The following KIAA0825 variants were observed in gnomAD, a reference collection of about 807,000 sequenced individuals.
KIAA0825 encodes uncharacterized protein KIAA0825.
KIAA0825 carries 119 observed loss-of-function variants against 147.6 expected under a neutral mutation model. The observed-to-expected ratio is 0.81, with a 90% CI of 0.69 to 0.94. The LOEUF (loss-of-function observed/expected upper bound fraction) is 0.94, where lower values mean the gene tolerates loss of function less well. Among genes scored for constraint, KIAA0825 ranks in the 40% least tolerant of loss-of-function variants. The pLI is 0.00. For synonymous variants in KIAA0825, 470 were observed against 518.1 expected, an observed-to-expected ratio of 0.91 and a Z score of 1.26; for missense variants, 1,381 against 1,472.7, an observed-to-expected ratio of 0.94 and a Z score of 1.02.
At chr5:94,370,211 T>C (rs1241302548) in intron 20 of KIAA0825, among the ~76,000 whole-genome samples, 6 of 151,996 alleles carry the variant, frequency 3.9e-5, no homozygotes, top group Non-Finnish European at 8.8e-5. Context: ...TGCTATAGCA[T>C]TCTTGAAAGG....
chr5:94,480,777 T>C (rs1401413406), intron 6 of KIAA0825, among the ~76,000 whole-genome samples: 1 of 152,056 alleles, frequency 6.6e-6, no homozygotes, highest in African/African-American at 2.4e-5. Flanking sequence ...TACAGTAAGA[T>C]ATAGAAAATG....
intron 13 of KIAA0825, among the ~76,000 whole-genome samples, chr5:94,449,040 G>GTCC (rs1758071810): frequency 6.6e-6 from 1 of 152,100 alleles, no homozygotes; most frequent in Non-Finnish European, 1.5e-5. Flanking sequence ...ATCAGTGAGA[G>GTCC]TCCTCCTAAC....
intron 2 of KIAA0825, among the ~76,000 whole-genome samples, chr5:94,549,653 C>G (rs1775131343): frequency 6.6e-6 from 1 of 152,100 alleles, no homozygotes; most frequent in African/African-American, 2.4e-5. Context: ...GCAGAGGTTG[C>G]AGTGAGCCGA....
intron 14 of KIAA0825, among the ~76,000 whole-genome samples, chr5:94,425,007 C>T (rs1176155919): frequency 6.6e-6 from 1 of 152,058 alleles, no homozygotes; most frequent in Non-Finnish European, 1.5e-5. Flanking sequence ...CGAAATCTCC[C>T]AACAAAGAAA....
intron 14 of KIAA0825, among the ~76,000 whole-genome samples, chr5:94,417,661 C>T (rs1753640433): frequency 6.6e-6 from 1 of 152,126 alleles, no homozygotes; most frequent in Admixed American, 6.5e-5. Flanking sequence ...CCCTCAATGT[C>T]ATAATTCTTC....
intron 3 of KIAA0825, among the ~76,000 whole-genome samples, chr5:94,530,006 C>T (rs1770448269): frequency 6.6e-6 from 1 of 152,026 alleles, no homozygotes; most frequent in Non-Finnish European, 1.5e-5. Context: ...CATGGTGGCT[C>T]ACACCTGTAA....
chr5:94,384,297 G>T, intron 20 of KIAA0825, 71 bp downstream of exon 20: 1 of 1,070,060 alleles, frequency 9.3e-7, no homozygotes, highest in Non-Finnish European at 1.4e-6. Context: ...CTGTGTACGT[G>T]TATACACACA....
intron 20 of KIAA0825, among the ~76,000 whole-genome samples, chr5:94,314,804 C>T (rs1040221047): frequency 6.6e-6 from 1 of 151,568 alleles, no homozygotes; most frequent in Non-Finnish European, 1.5e-5. Context: ...ATTCCTCCCC[C>T]AAAAGGCCGG....
chr5:94,445,408 G>A (rs554943692), intron 13 of KIAA0825, among the ~76,000 whole-genome samples: 54 of 152,268 alleles, frequency 3.5e-4, no homozygotes, highest in African/African-American at 1.3e-3. Flanking sequence ...ACCCTCCCAT[G>A]AGAGTATCTC....
intron 13 of KIAA0825, among the ~76,000 whole-genome samples, chr5:94,442,581 A>T (rs1353330582): frequency 2.0e-5 from 3 of 152,170 alleles, no homozygotes; most frequent in African/African-American, 7.2e-5. Context: ...TGGACTAAAA[A>T]TCTAAAACAG....
At chr5:94,290,234 A>G (rs563417468) in intron 20 of KIAA0825, among the ~76,000 whole-genome samples, 1 of 152,196 alleles carries the variant, frequency 6.6e-6, no homozygotes, top group Admixed American at 6.5e-5. Context: ...TGCTGCACCT[A>G]TCAACCTGTC....
chr5:94,474,392 C>T (rs1761596989), intron 7 of KIAA0825, among the ~76,000 whole-genome samples: 1 of 152,168 alleles, frequency 6.6e-6, no homozygotes, highest in South Asian at 2.1e-4. Context: ...ACTTTGTTTA[C>T]AGTAACGTGC....
At chr5:94,296,429 G>A (rs938395386) in intron 20 of KIAA0825, among the ~76,000 whole-genome samples, 1 of 152,102 alleles carries the variant, frequency 6.6e-6, no homozygotes, top group Admixed American at 6.5e-5. Context: ...TCTCGCTGGT[G>A]TTCCAGGCGC....
At chr5:94,396,054 T>C (rs765036245) in intron 17 of KIAA0825, 47 bp downstream of exon 17, 7 of 1,386,904 alleles carry the variant, frequency 5.0e-6, no homozygotes, top group Non-Finnish European at 6.6e-6. Flanking sequence ...ATTTTGTTAT[T>C]GTGAAAGCAT....
rs775106290 is a variant in KIAA0825, at chr5:94,388,339, G to A, written c.3457-1935C>T. ...ACCAACTGGTAGAGGTCTGTGGCCC[G>A]GGGGTTGGGGACCCCTGTTGTAGAG... On this transcript the variant is annotated intron_variant, in intron 18 of 20. Transcript: ENST00000682413. 2.8e-4 allele frequency among the ~76,000 whole-genome samples: 42 copies of A among 152,118 alleles called. 1 individual carries two copies. The highest frequency in any genetic ancestry group is 6.0e-4 in the African/African-American group (25 of 41,406).
At chr5:94,546,526 AGAG>A (rs1774411633) in intron 2 of KIAA0825, among the ~76,000 whole-genome samples, 1 of 151,340 alleles carries the variant, frequency 6.6e-6, no homozygotes, top group Admixed American at 6.6e-5. Context: ...ACAGAGAGAG[AGAG>A]AGAGAGAGAG....
chr5:94,386,411 AG>A lies in KIAA0825; in HGVS notation c.3457-8del, dbSNP rs1234165342. On this transcript the variant is annotated splice_polypyrimidine_tract_variant and splice_region_variant and intron_variant, in intron 18 of 20. Coordinates refer to ENST00000682413, the MANE Select transcript of KIAA0825 (RefSeq NM_001145678.3). The stretch of plus-strand genomic sequence containing the variant: ...GCTGTTCTTTTAAATATTCCTTCAA[AG>A]AAAAGAAATTACAAGTTGTGACGGT... 3 of 1,541,454 alleles carry A rather than the reference AG, an allele frequency of 1.9e-6. No individual in the cohort carries two copies. Among genetic ancestry groups the A allele is most frequent in the Middle Eastern group, 1.7e-4 (1 of 5,918 alleles).
chr5:94,262,811 A>T (rs938624470), intron 20 of KIAA0825, among the ~76,000 whole-genome samples: 1 of 152,136 alleles, frequency 6.6e-6, no homozygotes, highest in Non-Finnish European at 1.5e-5. Flanking sequence ...AAGTGAGGGT[A>T]AGAATGTAAG....
At chr5:94,410,074 T>C (rs1407823373) in intron 15 of KIAA0825, among the ~76,000 whole-genome samples, 1 of 151,598 alleles carries the variant, frequency 6.6e-6, no homozygotes, top group African/African-American at 2.4e-5. Flanking sequence ...CATATATGTA[T>C]AAGAATATTT....
Sources: gnomAD v4.1 joint callset for allele counts (sites outside exome capture counted in the v4.1 genomes callset) on GRCh38, gnomAD v4.1.1 for gene constraint, MANE v1.5 for transcripts, NCBI Gene and HGNC (gene_info 2026-07-23, HGNC 2026-07-21) for gene names.